METTL15: variants seen among roughly 807,000 people sequenced by gnomAD.
The protein encoded by METTL15 is methyltransferase 15, mitochondrial 12S rRNA N4-cytidine, also known as 12S rRNA N(4)-cytidine methyltransferase METTL15.
In METTL15, 34 loss-of-function variants were observed where a neutral mutation model predicts 38.3. The observed-to-expected ratio is 0.89, with a 90% CI of 0.68 to 1.18. The LOEUF is 1.18. Among genes scored for constraint, METTL15 ranks in the 50% most tolerant of loss-of-function variants. METTL15 has a pLI of 0.00. For missense variants in METTL15, 438 were observed against 498.4 expected (o/e 0.88, Z 1.15); for synonymous variants, 162 against 170.9 (o/e 0.95, Z 0.41).
chr11:28,466,977 G>C (rs1020281), intron 6 of METTL15, among the ~76,000 whole-genome samples: 1 of 152,106 alleles, frequency 6.6e-6, no homozygotes, highest in Non-Finnish European at 1.5e-5. Context: ...TTTAAACCTG[G>C]AGTCCTTTTT....
chr11:28,350,280 A>G (rs1850029891), intron 3 of METTL15, among the ~76,000 whole-genome samples: 1 of 152,236 alleles, frequency 6.6e-6, no homozygotes, highest in African/African-American at 2.4e-5. Flanking sequence ...TCACAAATCC[A>G]TTGATTTGCA....
chr11:28,272,282 A>G (rs1855674507), intron 4 of METTL15, among the ~76,000 whole-genome samples: 1 of 152,194 alleles, frequency 6.6e-6, no homozygotes, highest in Admixed American at 6.5e-5. Flanking sequence ...TGTTTACTGC[A>G]GCACTGTTCA....
In METTL15 at chr11:28,296,749, G is replaced by C. The variant is rs147988849; in HGVS notation, c.600-4G>C. 4 of 1,612,594 alleles carry C rather than the reference G, an allele frequency of 2.5e-6. No homozygotes were observed. The highest frequency in any genetic ancestry group is 1.7e-5 in the Admixed American group (1 of 59,874). Reference sequence around the variant, plus strand: ...GTGAACTAATTGGCTCTTCTTGTGCGTAGGTACCCTGACATGCCCACTGCT... The same window carrying C: ...GTGAACTAATTGGCTCTTCTTGTGCCTAGGTACCCTGACATGCCCACTGCT... On this transcript the variant is annotated splice_polypyrimidine_tract_variant and splice_region_variant and intron_variant, in intron 5 of 6. Transcript: ENST00000407364.
chr11:28,407,925 A>G (rs1850688229), intron 5 of METTL15, among the ~76,000 whole-genome samples: 1 of 152,212 alleles, frequency 6.6e-6, no homozygotes. Flanking sequence ...TAAATGATAG[A>G]CTAGATAAAG....
At chr11:28,208,185 CT>C (rs1235969683) in intron 3 of METTL15, among the ~76,000 whole-genome samples, 3 of 152,058 alleles carry the variant, frequency 2.0e-5, no homozygotes, top group Non-Finnish European at 4.4e-5. Flanking sequence ...TTTTCTAGTT[CT>C]TTTAATTGTG....
chr11:28,348,375 C>A (rs1341917395), intron 3 of METTL15, among the ~76,000 whole-genome samples: 1 of 152,086 alleles, frequency 6.6e-6, no homozygotes, highest in Non-Finnish European at 1.5e-5. Context: ...TGAATTTCTT[C>A]TTATTATTTT....
intron 6 of METTL15, among the ~76,000 whole-genome samples, chr11:28,498,470 T>C (rs945127929): frequency 2.2e-4 from 33 of 152,194 alleles, no homozygotes; most frequent in African/African-American, 8.0e-4. Flanking sequence ...CAAATTCTTA[T>C]ACTCAGGGAT....
downstream of METTL15, among the ~76,000 whole-genome samples, chr11:28,334,380 A>G (rs916009594): frequency 3.3e-5 from 5 of 152,050 alleles, no homozygotes; most frequent in Admixed American, 2.6e-4. Context: ...ATTTTGTAAA[A>G]TTTATTTTAC....
intron 5 of METTL15, among the ~76,000 whole-genome samples, chr11:28,387,061 T>C (rs1850448305): frequency 6.6e-6 from 1 of 151,886 alleles, no homozygotes; most frequent in Non-Finnish European, 1.5e-5. Context: ...AATGCAGTAC[T>C]AAGGGCTCTG....
At chr11:28,235,383 A>C (rs969531339) in intron 4 of METTL15, among the ~76,000 whole-genome samples, 4 of 151,938 alleles carry the variant, frequency 2.6e-5, no homozygotes, top group Non-Finnish European at 5.9e-5. Context: ...TTGAATCTAT[A>C]AATTACCTTG....
chr11:28,467,894 T>G (rs1414217185), intron 6 of METTL15, among the ~76,000 whole-genome samples: 1 of 152,062 alleles, frequency 6.6e-6, no homozygotes, highest in Non-Finnish European at 1.5e-5. Context: ...GAAACAGAGA[T>G]ATGAATTTCC....
chr11:28,352,182 T>C (rs1850047173), intron 4 of METTL15: 1 of 152,236 alleles, frequency 6.6e-6, no homozygotes, highest in Non-Finnish European at 1.5e-5. Flanking sequence ...GTCTGACCTT[T>C]CTGCCGGGAG....
intron 5 of METTL15, among the ~76,000 whole-genome samples, chr11:28,363,117 G>A (rs1481606703): frequency 1.3e-5 from 2 of 152,052 alleles, no homozygotes; most frequent in Non-Finnish European, 2.9e-5. Context: ...GTGATGTTGT[G>A]CATTTTTTTA....
chr11:28,505,887 A>G (rs890888015), intron 6 of METTL15, among the ~76,000 whole-genome samples: 3 of 152,210 alleles, frequency 2.0e-5, no homozygotes, highest in African/African-American at 7.2e-5. Flanking sequence ...TTGAAGAGAC[A>G]CTGGGAAAGA....
intron 6 of METTL15, among the ~76,000 whole-genome samples, chr11:28,306,115 A>T (rs1217780919): frequency 6.6e-6 from 1 of 152,110 alleles, no homozygotes. Context: ...AATTTAGTGT[A>T]ACCACGTACT....
At chr11:28,225,970 TTA>T (rs1451360895) in intron 4 of METTL15, among the ~76,000 whole-genome samples, 1 of 151,934 alleles carries the variant, frequency 6.6e-6, no homozygotes, top group Non-Finnish European at 1.5e-5. Context: ...ACAGTGTTGT[TTA>T]TGGTTTTTAT....
intron 4 of METTL15, chr11:28,261,059 C>G (rs557584382): frequency 2.6e-5 from 4 of 152,234 alleles, no homozygotes; most frequent in African/African-American, 4.8e-5. Context: ...CTTTTATCAT[C>G]TGGAATCCAT....
At chr11:28,527,133 C>G (rs1305891132), downstream of METTL15, 1 of 152,110 alleles carries the variant, frequency 6.6e-6, no homozygotes, top group African/African-American at 2.4e-5. Context: ...AGCTCTTCAC[C>G]CAGAATATGG....
chr11:28,170,027 C>T (rs1850796451), intron 3 of METTL15, among the ~76,000 whole-genome samples: 1 of 152,044 alleles, frequency 6.6e-6, no homozygotes, highest in South Asian at 2.1e-4. Context: ...TCCTGTTGGG[C>T]TTCTGTACTG....
Sources: allele counts gnomAD v4.1 joint callset (sites outside exome capture counted in the v4.1 genomes callset), GRCh38; gene constraint gnomAD v4.1.1; transcripts MANE v1.5; gene names NCBI Gene and HGNC (gene_info 2026-07-23, HGNC 2026-07-21).